TMEM272: variants seen among roughly 807,000 people sequenced by gnomAD.
TMEM272 encodes the protein long intergenic non-protein coding RNA 282.
Under a neutral mutation model 3.7 loss-of-function variants are expected in TMEM272, and 8 were observed. That is an observed-to-expected ratio of 2.17 (90% CI 1.27 to 3.91). The LOEUF (loss-of-function observed/expected upper bound fraction) is 3.91, where lower values mean the gene tolerates loss of function less well. Among genes scored for constraint, TMEM272 ranks in the 30% most tolerant of loss-of-function variants. The probability of loss-of-function intolerance (pLI) is 0.00; values close to 1 mark genes in which losing one functional copy is unlikely to be tolerated. For missense variants in TMEM272, 166 were observed against 91.5 expected (o/e 1.81, Z -3.32); for synonymous variants, 63 against 39.8 (o/e 1.58, Z -2.20).
At chr13:51,820,899 TTGC>T (rs1956072886) in intron 4 of TMEM272, among the ~76,000 whole-genome samples, 1 of 152,196 alleles carries the variant, frequency 6.6e-6, no homozygotes, top group African/African-American at 2.4e-5. Context: ...GCCCACCAGA[TTGC>T]TGTTAGGAGA....
At chr13:51,906,956 C>T in the TMEM272 span, among the ~76,000 whole-genome samples, 4 of 152,238 alleles carry the variant, frequency 2.6e-5, no homozygotes, top group Admixed American at 6.5e-5. Context: ...TGTTCAGAAA[C>T]GCCTTTGCAG....
the TMEM272 span, among the ~76,000 whole-genome samples, chr13:51,867,222 G>C: frequency 6.6e-6 from 1 of 152,126 alleles, no homozygotes; most frequent in African/African-American, 2.4e-5. Context: ...CTTCACCACA[G>C]CTCTGTGGGC....
chr13:51,841,184 C>T (rs551969542), intron 1 of TMEM272, among the ~76,000 whole-genome samples: 1 of 152,234 alleles, frequency 6.6e-6, no homozygotes, highest in Non-Finnish European at 1.5e-5. Context: ...CCCGGAAGGT[C>T]GGTTCCTTTC....
chr13:51,836,804 C>T (rs763663579), intron 2 of TMEM272, among the ~76,000 whole-genome samples: 15 of 151,820 alleles, frequency 9.9e-5, no homozygotes, highest in Non-Finnish European at 2.1e-4. Flanking sequence ...GTTGGAAGGC[C>T]CAGGGGGAAA....
chr13:51,901,381 G>A, the TMEM272 span, among the ~76,000 whole-genome samples: 1 of 152,092 alleles, frequency 6.6e-6, no homozygotes, highest in Non-Finnish European at 1.5e-5. Context: ...TACATATAAA[G>A]AAACCACTCC....
At chr13:51,930,817 T>G in the TMEM272 span, among the ~76,000 whole-genome samples, 6 of 151,984 alleles carry the variant, frequency 3.9e-5, no homozygotes, top group Non-Finnish European at 7.4e-5. Context: ...TGGCTGATTT[T>G]GGTCTATGCT....
chr13:51,894,455 G>C, the TMEM272 span, among the ~76,000 whole-genome samples: 1 of 152,190 alleles, frequency 6.6e-6, no homozygotes. Flanking sequence ...GATTGGCCAG[G>C]TTTGGGTGAC....
the TMEM272 span, among the ~76,000 whole-genome samples, chr13:51,878,913 A>T: frequency 6.6e-6 from 1 of 152,228 alleles, no homozygotes; most frequent in South Asian, 2.1e-4. Context: ...ATTGGGCTTC[A>T]TGGTTTTGCT....
the TMEM272 span, among the ~76,000 whole-genome samples, chr13:51,928,722 A>G: frequency 3.3e-5 from 5 of 152,200 alleles, no homozygotes; most frequent in African/African-American, 1.2e-4. Flanking sequence ...GTGAGGATCT[A>G]TTTTCTAAGC....
chr13:51,843,156 C>A (rs946990041), intron 1 of TMEM272, among the ~76,000 whole-genome samples: 1 of 152,078 alleles, frequency 6.6e-6, no homozygotes, highest in African/African-American at 2.4e-5. Flanking sequence ...GATATTTTGC[C>A]AATTCTTTCT....
At chr13:51,916,866 C>T in the TMEM272 span, among the ~76,000 whole-genome samples, 3 of 152,220 alleles carry the variant, frequency 2.0e-5, no homozygotes, top group South Asian at 4.1e-4. Context: ...TCCTCCACCC[C>T]GTGAGCATTC....
the TMEM272 span, among the ~76,000 whole-genome samples, chr13:51,878,664 T>C: frequency 6.6e-6 from 1 of 152,160 alleles, no homozygotes; most frequent in African/African-American, 2.4e-5. Flanking sequence ...AACTCTCGAA[T>C]GTATTTGGAA....
the TMEM272 span, among the ~76,000 whole-genome samples, chr13:51,870,811 A>T: frequency 1.3e-5 from 2 of 152,218 alleles, no homozygotes; most frequent in Non-Finnish European, 2.9e-5. Flanking sequence ...AGATGGAGCC[A>T]AGGACAGGAA....
chr13:51,853,397 G>A, the TMEM272 span, among the ~76,000 whole-genome samples: 8 of 151,804 alleles, frequency 5.3e-5, no homozygotes, highest in East Asian at 1.9e-4. Flanking sequence ...GCAACATAGC[G>A]AGACTCCATC....
the TMEM272 span, among the ~76,000 whole-genome samples, chr13:51,875,378 T>C: frequency 6.6e-5 from 10 of 152,300 alleles, no homozygotes; most frequent in South Asian, 2.1e-3. Flanking sequence ...TCATATGCCT[T>C]TCCCTTAAAG....
the TMEM272 span, among the ~76,000 whole-genome samples, chr13:51,913,186 C>T: frequency 6.6e-6 from 1 of 152,162 alleles, no homozygotes; most frequent in Non-Finnish European, 1.5e-5. Context: ...GCTCCTCCCC[C>T]TACTCTTAGA....
the TMEM272 span, among the ~76,000 whole-genome samples, chr13:51,876,553 G>A: frequency 6.6e-6 from 1 of 152,078 alleles, no homozygotes; most frequent in Non-Finnish European, 1.5e-5. Flanking sequence ...ATTCACTTTT[G>A]TTAAATTTGT....
chr13:51,871,685 T>C, the TMEM272 span, among the ~76,000 whole-genome samples: 1 of 152,156 alleles, frequency 6.6e-6, no homozygotes, highest in Non-Finnish European at 1.5e-5. Flanking sequence ...TGTTCTTAGA[T>C]TCCCAACTCA....
the TMEM272 span, among the ~76,000 whole-genome samples, chr13:51,850,279 T>C: frequency 2.0e-5 from 3 of 152,224 alleles, no homozygotes; most frequent in Non-Finnish European, 4.4e-5. Context: ...TAAGTAATGA[T>C]GATTTCCTTA....
Sources: allele counts gnomAD v4.1 joint callset (sites outside exome capture counted in the v4.1 genomes callset), GRCh38; gene constraint gnomAD v4.1.1; transcripts MANE v1.5; gene names NCBI Gene and HGNC (gene_info 2026-07-23, HGNC 2026-07-21).